The following ADCY3 variants were observed in gnomAD, a reference collection of about 807,000 sequenced individuals.
ADCY3 encodes adenylate cyclase type 3.
In ADCY3, 70 loss-of-function variants were observed where a neutral mutation model predicts 119.4. That is an observed-to-expected ratio of 0.59 (90% CI 0.48 to 0.72). The LOEUF is 0.72. Ranked by LOEUF, ADCY3 falls within the 30% of genes least tolerant of loss-of-function variation. ADCY3 has a pLI of 0.00. For missense variants in ADCY3, 1,238 were observed against 1,541.6 expected (o/e 0.80, Z 3.30); for synonymous variants, 672 against 621.4 (o/e 1.08, Z -1.21).
chr2:24,838,389 C>T (rs1670556738), intron 8 of ADCY3, 56 bp downstream of exon 8: 1 of 1,492,748 alleles, frequency 6.7e-7, no homozygotes, highest in Admixed American at 2.0e-5. Flanking sequence ...TCCTTTCCAA[C>T]CCCCTAATCC....
At chr2:24,838,310 G>T in intron 8 of ADCY3, 135 bp downstream of exon 8, 1 of 881,516 alleles carries the variant, frequency 1.1e-6, no homozygotes. Context: ...GTGCCAGCCT[G>T]CCACTCACCT....
intron 2 of ADCY3, among the ~76,000 whole-genome samples, chr2:24,883,786 T>A (rs1314800600): frequency 1.3e-5 from 2 of 152,140 alleles, no homozygotes; most frequent in Non-Finnish European, 1.5e-5. Context: ...TCACACAAAC[T>A]TAAAATGTAA....
At chr2:24,874,442 C>A (rs996202703) in intron 2 of ADCY3, among the ~76,000 whole-genome samples, 1 of 152,184 alleles carries the variant, frequency 6.6e-6, no homozygotes, top group Non-Finnish European at 1.5e-5. Flanking sequence ...GAATGGCCAG[C>A]CTTATTGGGG....
rs559929904 is a variant in ADCY3, at chr2:24,830,109, C to G, written c.2172+600G>C. 1.1e-3 allele frequency among the ~76,000 whole-genome samples: 157 copies of G among 144,356 alleles called. 6 individuals carry two copies. The highest frequency in any genetic ancestry group is 1.5e-3 in the Non-Finnish European group (98 of 66,994). The allele number at this position is 144,356 out of a possible 152,430, so 94.7% of individuals were successfully genotyped here. A position where few individuals can be genotyped will look rare whatever the true frequency, so the allele number is the denominator to read the frequency against. ...AGGCTGGAGTGCAGCGGCTCAATCT[C>G]GGCTCACTGCAACCTCCGCCTCCTG... is the stretch of plus-strand genomic sequence containing the variant. On this transcript the variant is annotated intron_variant, in intron 13 of 21. Coordinates refer to ENST00000679454, the MANE Select transcript of ADCY3 (RefSeq NM_004036.5).
chr2:24,820,955 C>T (rs1667561934), intron 20 of ADCY3, 107 bp from the exon 21 acceptor site: 4 of 1,455,910 alleles, frequency 2.7e-6, no homozygotes, highest in African/African-American at 1.4e-5. Flanking sequence ...TAATGTAACA[C>T]ATCATTGTCC....
rs1678687561 is a variant in ADCY3, at chr2:24,899,616, C to T, written c.675+18697G>A. On this transcript the variant is annotated intron_variant, in intron 2 of 21. Coordinates refer to ENST00000679454, the MANE Select transcript of ADCY3 (RefSeq NM_004036.5). This position sits in a 1 kb window ranked among gnomAD's most constrained non-coding sequence, Gnocchi z 4.5. ...GGCCACCAGTGTGGACCTCGAGTGG[C>T]ACCACCCAGCTGATGGAGGCAGGGC... Among the ~76,000 whole-genome samples, 1 of 152,224 alleles carries T rather than the reference C, an allele frequency of 6.6e-6. No homozygotes were observed. Among genetic ancestry groups the T allele is most frequent in the Admixed American group, 6.5e-5 (1 of 15,288 alleles).
At chr2:24,873,752 G>A (rs576332701) in intron 2 of ADCY3, among the ~76,000 whole-genome samples, 61 of 152,324 alleles carry the variant, frequency 4.0e-4, no homozygotes, top group African/African-American at 1.3e-3. Flanking sequence ...TTCCTGGTCT[G>A]GCTCCTCCAG....
chr2:24,912,825 A>C (rs1314384646), intron 2 of ADCY3, among the ~76,000 whole-genome samples: 2 of 152,308 alleles, frequency 1.3e-5, no homozygotes, highest in East Asian at 3.9e-4. Context: ...TGATGATGAC[A>C]AACTGGGAAA....
At chr2:24,843,045 G>T (rs1486334955) in intron 3 of ADCY3, among the ~76,000 whole-genome samples, 1 of 152,222 alleles carries the variant, frequency 6.6e-6, no homozygotes. Context: ...CCTTGGTCGA[G>T]CCCAAGACGC....
At position 24,823,299 on chromosome 2, in the gene ADCY3, G is replaced by A; in HGVS notation, c.2793C>T (p.Asn931=). The A allele has an allele frequency of 6.2e-7, 1 of 1,613,822 alleles. No homozygotes were observed. Among genetic ancestry groups the A allele is most frequent in the South Asian group, 1.1e-5 (1 of 91,038 alleles). Residue 931 remains asparagine (N), a synonymous_variant, in exon 18 of 22, where the codon AAC becomes AAT. Coordinates refer to ENST00000679454, the MANE Select transcript of ADCY3 (RefSeq NM_004036.5). Reference sequence around the variant, plus strand: ...TCTCCTCTGTGTAGAAGTCAGCAAAGTTGGGCAGGGAGGCAAACATGACTC... The same window carrying A: ...TCTCCTCTGTGTAGAAGTCAGCAAAATTGGGCAGGGAGGCAAACATGACTC... ...EIGVMFASLP[N]FADFYTEESI...
intron 3 of ADCY3, among the ~76,000 whole-genome samples, chr2:24,868,406 G>T (rs1053688903): frequency 3.3e-5 from 5 of 152,196 alleles, no homozygotes; most frequent in Admixed American, 2.0e-4. Flanking sequence ...GGACCTGGGG[G>T]CTCACGCCTG....
rs1279564638 is a variant in ADCY3 at position 24,899,440 on chromosome 2, C to A, written c.675+18873G>T. Among the ~76,000 whole-genome samples, 2 of 152,256 alleles carry A rather than the reference C, an allele frequency of 1.3e-5. No individual in the cohort carries two copies. The highest frequency in any genetic ancestry group is 2.9e-5 in the Non-Finnish European group (2 of 68,054). On this transcript the variant is annotated intron_variant, in intron 2 of 21. Coordinates refer to ENST00000679454, the MANE Select transcript of ADCY3 (RefSeq NM_004036.5). The surrounding 1 kb of genome is among the most constrained non-coding windows in gnomAD (Gnocchi z 4.5). ...GCTGTCACCCCAGCCACCTCTGCCACCAGCCTGCCAGGCAAAACTGTCCCT... is the reference window on the plus strand; with the variant it reads ...GCTGTCACCCCAGCCACCTCTGCCAACAGCCTGCCAGGCAAAACTGTCCCT...
intron 2 of ADCY3, among the ~76,000 whole-genome samples, chr2:24,903,638 C>A (rs1679158027): frequency 6.6e-6 from 1 of 152,124 alleles, no homozygotes; most frequent in Non-Finnish European, 1.5e-5. Flanking sequence ...TGTAACTAGT[C>A]CTCAGAGAGT....
intron 9 of ADCY3, 67 bp downstream of exon 9, chr2:24,836,850 G>C (rs570579942): frequency 3.9e-6 from 6 of 1,543,222 alleles, no homozygotes; most frequent in Non-Finnish European, 5.2e-6. Flanking sequence ...CTGCAGGAAC[G>C]TATTGCTTCC....
At chr2:24,835,872 G>T (rs1169014629) in intron 9 of ADCY3, among the ~76,000 whole-genome samples, 3 of 151,512 alleles carry the variant, frequency 2.0e-5, no homozygotes, top group African/African-American at 7.3e-5. Flanking sequence ...GGAGGCAGAG[G>T]TTGCAGTGAG....
At chr2:24,891,533 T>C (rs1321332598) in intron 2 of ADCY3, among the ~76,000 whole-genome samples, 1 of 152,210 alleles carries the variant, frequency 6.6e-6, no homozygotes, top group Non-Finnish European at 1.5e-5. Flanking sequence ...ATGCTAGCAA[T>C]TCAGATATGC....
intron 3 of ADCY3, among the ~76,000 whole-genome samples, chr2:24,853,769 A>T (rs1445965263): frequency 1.3e-5 from 2 of 152,102 alleles, no homozygotes; most frequent in African/African-American, 4.8e-5. Context: ...TACAGGCATG[A>T]GCCACCGTAC....
chr2:24,836,655 C>T (rs147018475), intron 9 of ADCY3, among the ~76,000 whole-genome samples: 266 of 152,264 alleles, frequency 1.7e-3, no homozygotes, highest in Non-Finnish European at 3.1e-3. Context: ...TACAGGATTC[C>T]GGGCCATCAG....
rs1308557084 is a variant in ADCY3, at chr2:24,841,339, G to A, written c.1116C>T (p.Cys372=). 5 of 1,602,054 alleles carry A rather than the reference G, an allele frequency of 3.1e-6. No homozygotes were observed. The highest frequency in any genetic ancestry group is 4.5e-5 in the East Asian group (2 of 44,550). The stretch of plus-strand genomic sequence containing the variant: ...CCCGGTAGTCGGGCAAGCCGCAGAT[G>A]CAGTAGTAGCAGTCGCCCAGGATCT... ...RIKILGDCYY[C]ICGLPDYRED... The change falls in exon 6 of 22, where the codon TGC becomes TGT. Residue 372 remains cysteine, a synonymous_variant. Transcript: ENST00000679454. This position sits in a 1 kb window ranked among gnomAD's most constrained non-coding sequence, Gnocchi z 5.8.
Sources: gnomAD v4.1 joint callset for allele counts (sites outside exome capture counted in the v4.1 genomes callset) on GRCh38, gnomAD v4.1.1 for gene constraint, Gnocchi (gnomAD v3.1) non-coding constraint, MANE v1.5 for transcripts, NCBI Gene and HGNC (gene_info 2026-07-23, HGNC 2026-07-21) for gene names.